Variants in PGR observed in about 807,000 individuals in gnomAD.
PGR encodes nuclear receptor subfamily 3 group C member 3.
In PGR, 25 loss-of-function variants were observed where a neutral mutation model predicts 76.1. The observed-to-expected ratio is 0.33, with a 90% CI of 0.24 to 0.46. The LOEUF is 0.46. Ranked by LOEUF, PGR falls within the 20% of genes least tolerant of loss-of-function variation. The pLI, the probability that PGR is intolerant of heterozygous loss-of-function variation, is 1.00. For synonymous variants in PGR, 579 were observed against 535.0 expected (o/e 1.08, Z -1.14); for missense variants, 1,172 against 1,225.3 (o/e 0.96, Z 0.65).
At chr11:101,098,599 T>C (rs181191883) in intron 2 of PGR, among the ~76,000 whole-genome samples, 411 of 152,210 alleles carry the variant, frequency 2.7e-3, no homozygotes, top group Non-Finnish European at 4.7e-3. Flanking sequence ...TAAATCTCTA[T>C]AAGCCAGAAA....
At chr11:101,074,410 C>T (rs1210290081) in intron 3 of PGR, among the ~76,000 whole-genome samples, 1 of 152,116 alleles carries the variant, frequency 6.6e-6, no homozygotes, top group African/African-American at 2.4e-5. Context: ...CCTTTGAAAA[C>T]CAGCACAAGA....
chr11:101,085,453 C>T (rs372390640), intron 3 of PGR, among the ~76,000 whole-genome samples: 10 of 136,534 alleles, frequency 7.3e-5, no homozygotes, highest in South Asian at 2.4e-4. Context: ...GGAGAGTTTA[C>T]AGCTCTAAAT....
chr11:101,030,299 T>C lies in PGR; in HGVS notation c.*8817A>G, dbSNP rs998168330. On this transcript the variant is annotated 3_prime_UTR_variant, in exon 8 of 8. Coordinates refer to ENST00000325455, the MANE Select transcript of PGR (RefSeq NM_000926.4). ...CAACTTCAACACAAAAAAATGTGAATATCTACCATGTGCAAAACAGTCAAA... is the reference window on the plus strand; with the variant it reads ...CAACTTCAACACAAAAAAATGTGAACATCTACCATGTGCAAAACAGTCAAA... 1.3e-5 allele frequency: 3 copies of C among 224,522 alleles called. No individual in the cohort carries two copies. The highest frequency in any genetic ancestry group is 6.7e-5 in the African/African-American group (3 of 44,888). 13.9% of individuals were successfully genotyped at this position (224,522 alleles called of 1,614,324 possible).
chr11:101,084,772 G>C (rs180744954), intron 3 of PGR, among the ~76,000 whole-genome samples: 1 of 152,172 alleles, frequency 6.6e-6, no homozygotes, highest in East Asian at 1.9e-4. Context: ...CAAAGTAAAG[G>C]GTTGGAGAAA....
chr11:101,095,021 T>A (rs1179197220), intron 2 of PGR, among the ~76,000 whole-genome samples: 1 of 152,190 alleles, frequency 6.6e-6, no homozygotes, highest in Non-Finnish European at 1.5e-5. Context: ...GATCTTGGAC[T>A]TCTCAGCCTT....
chr11:101,100,498 T>G (rs577717956), intron 2 of PGR, among the ~76,000 whole-genome samples: 1 of 152,210 alleles, frequency 6.6e-6, no homozygotes, highest in South Asian at 2.1e-4. Flanking sequence ...TTCTTCTGAT[T>G]AAAATCTTTG....
chr11:101,127,395 T>C, intron 1 of PGR, 39 bp downstream of exon 1: 1 of 1,466,486 alleles, frequency 6.8e-7, no homozygotes, highest in Non-Finnish European at 9.1e-7. Context: ...GAACCGCTAC[T>C]CCCGGACGCG....
chr11:101,045,497 C>A (rs1187047093), intron 6 of PGR, among the ~76,000 whole-genome samples: 1 of 152,132 alleles, frequency 6.6e-6, no homozygotes, highest in Non-Finnish European at 1.5e-5. Flanking sequence ...TTATTCTATA[C>A]TCTATGCCCA....
At chr11:101,071,827 G>A (rs539257303) in intron 3 of PGR, among the ~76,000 whole-genome samples, 2 of 152,264 alleles carry the variant, frequency 1.3e-5, no homozygotes, top group South Asian at 2.1e-4. Flanking sequence ...ATGGGACTAT[G>A]TGAAAAGACC....
At chr11:101,081,660 C>A (rs1225641601) in intron 3 of PGR, among the ~76,000 whole-genome samples, 1 of 152,098 alleles carries the variant, frequency 6.6e-6, no homozygotes, top group Non-Finnish European at 1.5e-5. Context: ...CCAAACTATG[C>A]TTCATAAGTG....
intron 2 of PGR, among the ~76,000 whole-genome samples, chr11:101,096,224 GT>G (rs1861826949): frequency 6.6e-6 from 1 of 152,134 alleles, no homozygotes; most frequent in African/African-American, 2.4e-5. Flanking sequence ...ACCTTGAGGG[GT>G]TGGCACGACT....
chr11:101,038,377 C>T lies in PGR; in HGVS notation c.*739G>A, dbSNP rs578234147. 54 of 211,932 alleles carry T rather than the reference C, an allele frequency of 2.5e-4. No individual in the cohort carries two copies. The highest frequency in any genetic ancestry group is 1.1e-3 in the African/African-American group (49 of 44,288). The allele number at this position is 211,932 out of a possible 1,614,324, so 13.1% of individuals were successfully genotyped here. On this transcript the variant is annotated 3_prime_UTR_variant, in exon 8 of 8. Coordinates refer to ENST00000325455, the MANE Select transcript of PGR (RefSeq NM_000926.4). ...AATCTTCTGATTTCTTATGTCCACT[C>T]GCAATACCTCATTAGAGGACAATTC...
intron 5 of PGR, chr11:101,051,010 T>C (rs572786930): frequency 3.5e-4 from 76 of 215,852 alleles, no homozygotes; most frequent in Non-Finnish European, 5.3e-4. Context: ...ATTATTTAAA[T>C]ATAAAGCAAA....
chr11:101,089,286 G>A (rs529843458), intron 3 of PGR, among the ~76,000 whole-genome samples: 2 of 152,304 alleles, frequency 1.3e-5, no homozygotes, highest in South Asian at 2.1e-4. Context: ...GCAGTTTTTA[G>A]GTGGTACATC....
At chr11:101,051,865 G>A (rs1860100345) in intron 4 of PGR, among the ~76,000 whole-genome samples, 1 of 152,044 alleles carries the variant, frequency 6.6e-6, no homozygotes, top group African/African-American at 2.4e-5. Flanking sequence ...AACCATTTGG[G>A]TGCCAGGCAC....
At chr11:101,044,378 G>C (rs188191473) in intron 6 of PGR, among the ~76,000 whole-genome samples, 1 of 152,216 alleles carries the variant, frequency 6.6e-6, no homozygotes, top group African/African-American at 2.4e-5. Flanking sequence ...CCTTCCTCTG[G>C]ATGAGGCTTA....
At chr11:101,068,804 T>G (rs993428132) in intron 3 of PGR, among the ~76,000 whole-genome samples, 2 of 151,892 alleles carry the variant, frequency 1.3e-5, no homozygotes, top group Non-Finnish European at 2.9e-5. Context: ...TTGGGGAAAC[T>G]GGCTAGCCAT....
intron 3 of PGR, among the ~76,000 whole-genome samples, chr11:101,078,888 T>G (rs2135436214): frequency 6.6e-6 from 1 of 152,160 alleles, no homozygotes; most frequent in South Asian, 2.1e-4. Context: ...ATGTCAGAAA[T>G]GAGAATTCTT....
In PGR at chr11:101,033,909, A is replaced by G. The variant is rs1164380040; in HGVS notation, c.*5207T>C. ...ATACATCAGGATTTGATGTATTAAGAGCAATTTCAAAAGATAATAAAAATA... is the reference window on the plus strand; with the variant it reads ...ATACATCAGGATTTGATGTATTAAGGGCAATTTCAAAAGATAATAAAAATA... On this transcript the variant is annotated 3_prime_UTR_variant, in exon 8 of 8. Coordinates refer to ENST00000325455, the MANE Select transcript of PGR (RefSeq NM_000926.4). 1 of 219,230 alleles carries G rather than the reference A, an allele frequency of 4.6e-6. No homozygotes were observed. Among genetic ancestry groups the G allele is most frequent in the African/African-American group, 2.2e-5 (1 of 44,638 alleles). 13.6% of individuals were successfully genotyped at this position (219,230 alleles called of 1,614,324 possible). A position where few individuals can be genotyped will look rare whatever the true frequency, so the allele number is the denominator to read the frequency against.
Sources: allele counts gnomAD v4.1 joint callset (sites outside exome capture counted in the v4.1 genomes callset), GRCh38; gene constraint gnomAD v4.1.1; transcripts MANE v1.5; gene names NCBI Gene and HGNC (gene_info 2026-07-23, HGNC 2026-07-21).